Variants in ZNF385D observed in about 807,000 individuals in gnomAD.
ZNF385D encodes zinc finger protein 659.
ZNF385D carries 15 observed loss-of-function variants against 35.8 expected under a neutral mutation model. That is an observed-to-expected ratio of 0.42 (90% CI 0.28 to 0.64). The LOEUF is 0.64. Among genes scored for constraint, ZNF385D ranks in the 30% least tolerant of loss-of-function variants. ZNF385D has a pLI of 0.23. For missense variants in ZNF385D, 474 were observed against 494.6 expected (o/e 0.96, Z 0.39); for synonymous variants, 212 against 186.8 (o/e 1.13, Z -1.10).
At chr3:22,286,250 G>A (rs1702017180) in intron 2 of ZNF385D, among the ~76,000 whole-genome samples, 2 of 152,076 alleles carry the variant, frequency 1.3e-5, no homozygotes, top group South Asian at 4.1e-4. Flanking sequence ...GTTGTGTGAT[G>A]TACTAATATC....
chr3:22,170,759 G>A (rs1016289123), intron 2 of ZNF385D, among the ~76,000 whole-genome samples: 2 of 151,974 alleles, frequency 1.3e-5, no homozygotes, highest in Admixed American at 6.6e-5. Context: ...GTTATAATCA[G>A]AACATTTCAA....
At chr3:21,567,237 A>G (rs1030356079) in intron 2 of ZNF385D, among the ~76,000 whole-genome samples, 7 of 152,174 alleles carry the variant, frequency 4.6e-5, no homozygotes, top group Non-Finnish European at 7.4e-5. Flanking sequence ...AAACATTAAA[A>G]CTTAATTTAA....
chr3:21,579,325 G>A (rs1289344170), intron 2 of ZNF385D: 2 of 152,188 alleles, frequency 1.3e-5, no homozygotes, highest in Admixed American at 6.5e-5. Context: ...TCTTGGGCAA[G>A]TCACTGAAAC....
intron 4 of ZNF385D, among the ~76,000 whole-genome samples, chr3:21,508,918 A>C (rs182803154): frequency 1.3e-5 from 2 of 151,580 alleles, no homozygotes; most frequent in African/African-American, 2.4e-5. Flanking sequence ...TTAAGAGATG[A>C]AAGTATCTAG....
intron 2 of ZNF385D, among the ~76,000 whole-genome samples, chr3:22,282,793 G>T (rs1007342471): frequency 1.3e-5 from 2 of 151,790 alleles, no homozygotes; most frequent in Non-Finnish European, 2.9e-5. Flanking sequence ...AAAACACAAG[G>T]TATTCAACAA....
intron 2 of ZNF385D, among the ~76,000 whole-genome samples, chr3:22,356,940 C>T (rs1696179257): frequency 6.6e-6 from 1 of 151,828 alleles, no homozygotes; most frequent in South Asian, 2.1e-4. Flanking sequence ...AAAACATTTA[C>T]TATCCAAAAA....
Position 21,647,018 on chromosome 3 carries a change from G to A in ZNF385D, c.165+17868C>T, listed in dbSNP as rs1025499565. On this transcript the variant is annotated intron_variant, in intron 2 of 7. Transcript: ENST00000281523. ...TTAATGGCATATCCAGTTTCTTGCT[G>A]ATAAACAAAACAGTGGCAAGGAAAA... 2.6e-5 allele frequency among the ~76,000 whole-genome samples: 4 copies of A among 152,268 alleles called. No individual in the cohort carries two copies. In the East Asian group the frequency reaches 7.7e-4, roughly 29 times the overall value.
intron 3 of ZNF385D, among the ~76,000 whole-genome samples, chr3:22,116,453 A>G (rs1259910466): frequency 6.6e-6 from 1 of 152,070 alleles, no homozygotes; most frequent in Non-Finnish European, 1.5e-5. Flanking sequence ...CATTCTCTAA[A>G]GGAAAGAAGG....
Position 22,155,223 on chromosome 3 carries a change from A to C in ZNF385D, c.325+13594T>G, listed in dbSNP as rs567851797. ...AAATAAATAAAAAGATCTATGTGAG[A>C]GAAGTACAGAAAAACATTATTGATT... On this transcript the variant is annotated intron_variant, in intron 3 of 5. Coordinates refer to the ZNF385D transcript ENST00000494108. Among the ~76,000 whole-genome samples the C allele has an allele frequency of 3.3e-5, 5 of 152,240 alleles. No individual in the cohort carries two copies. In the East Asian group the frequency reaches 9.7e-4, roughly 29 times the overall value.
chr3:21,569,922 A>AGGGGGGGGGGGTGG (rs1575210384), intron 2 of ZNF385D, among the ~76,000 whole-genome samples: 1 of 115,344 alleles, frequency 8.7e-6, no homozygotes, highest in Non-Finnish European at 1.7e-5. Flanking sequence ...GTGGGGGGGC[A>AGGGGGGGGGGGTGG]GGGAGGGATA....
intron 3 of ZNF385D, among the ~76,000 whole-genome samples, chr3:22,057,158 A>C (rs1576236246): frequency 6.6e-6 from 1 of 152,182 alleles, no homozygotes; most frequent in Non-Finnish European, 1.5e-5. Context: ...AAACCCATAC[A>C]CCTGATTTAA....
chr3:21,898,217 C>T (rs1006440745), intron 3 of ZNF385D, among the ~76,000 whole-genome samples: 19 of 152,170 alleles, frequency 1.2e-4, no homozygotes, highest in African/African-American at 4.1e-4. Flanking sequence ...CAGTGATGTT[C>T]GATATCACAA....
upstream of ZNF385D, among the ~76,000 whole-genome samples, chr3:21,755,891 C>A (rs1276792394): frequency 6.6e-6 from 1 of 152,134 alleles, no homozygotes; most frequent in Non-Finnish European, 1.5e-5. Context: ...GGGAATACAC[C>A]TTATGAGTGC....
chr3:21,736,303 T>C (rs1441391396), intron 1 of ZNF385D, among the ~76,000 whole-genome samples: 1 of 152,176 alleles, frequency 6.6e-6, no homozygotes, highest in Non-Finnish European at 1.5e-5. Flanking sequence ...TTTTTTACCA[T>C]AAAGACATGC....
chr3:21,689,206 G>T (rs902554884), intron 1 of ZNF385D, among the ~76,000 whole-genome samples: 1 of 151,034 alleles, frequency 6.6e-6, no homozygotes, highest in African/African-American at 2.4e-5. Context: ...AAGCCAAGCT[G>T]CCTATGCTCT....
chr3:22,153,174 T>A (rs550744076), intron 3 of ZNF385D, among the ~76,000 whole-genome samples: 1 of 152,300 alleles, frequency 6.6e-6, no homozygotes, highest in Admixed American at 6.5e-5. Flanking sequence ...ATATTCAGTT[T>A]TCTTGCTTTG....
intron 2 of ZNF385D, among the ~76,000 whole-genome samples, chr3:21,605,334 G>A (rs189869936): frequency 3.5e-4 from 53 of 152,302 alleles, no homozygotes; most frequent in African/African-American, 1.3e-3. Flanking sequence ...TCCTGAGTTA[G>A]GCACAGCAGC....
intron 2 of ZNF385D, among the ~76,000 whole-genome samples, chr3:22,236,054 G>C (rs1559470454): frequency 6.6e-6 from 1 of 151,780 alleles, no homozygotes; most frequent in South Asian, 2.1e-4. Flanking sequence ...CAAGGAATTT[G>C]GGGAAAAAAA....
intron 3 of ZNF385D, among the ~76,000 whole-genome samples, chr3:21,546,952 G>T (rs1454574631): frequency 6.6e-6 from 1 of 152,046 alleles, no homozygotes; most frequent in Admixed American, 6.5e-5. Context: ...TTCCCTCTCT[G>T]CCCTACATAC....
Sources: gnomAD v4.1 joint callset for allele counts (sites outside exome capture counted in the v4.1 genomes callset) on GRCh38, gnomAD v4.1.1 for gene constraint, MANE v1.5 for transcripts, NCBI Gene and HGNC (gene_info 2026-07-23, HGNC 2026-07-21) for gene names.